Variants in MTCL1 observed in about 807,000 individuals in gnomAD.
MTCL1 encodes microtubule cross-linking factor 1.
In MTCL1, 79 loss-of-function variants were observed where a neutral mutation model predicts 141.4. The ratio of observed to expected loss-of-function variants is 0.56; its 90% CI spans 0.47 to 0.67. The LOEUF is 0.67. Among genes scored for constraint, MTCL1 ranks in the 30% least tolerant of loss-of-function variants. MTCL1 has a pLI of 0.00. For missense variants in MTCL1, 2,177 were observed against 2,113.9 expected (o/e 1.03, Z -0.59); for synonymous variants, 914 against 875.8 (o/e 1.04, Z -0.77).
At chr18:8,808,419 C>A (rs532333603) in intron 11 of MTCL1, among the ~76,000 whole-genome samples, 1 of 152,318 alleles carries the variant, frequency 6.6e-6, no homozygotes, top group East Asian at 1.9e-4. Flanking sequence ...TTTATAGGAA[C>A]GTAGTATCCA....
intron 4 of MTCL1, among the ~76,000 whole-genome samples, chr18:8,728,167 T>C (rs1598409643): frequency 2.0e-5 from 3 of 152,200 alleles, no homozygotes; most frequent in Non-Finnish European, 4.4e-5. Context: ...TAAAAACTTA[T>C]TTAATAGCTA....
intron 12 of MTCL1, among the ~76,000 whole-genome samples, chr18:8,816,072 C>G (rs2144298776): frequency 6.6e-6 from 1 of 152,274 alleles, no homozygotes; most frequent in South Asian, 2.1e-4. Flanking sequence ...TGAGGTAAAG[C>G]AATTATAGGC....
Position 8,784,032 on chromosome 18 carries a change from G to C in MTCL1, c.920G>C (p.Ser307Thr). 6.2e-7 allele frequency: 1 copy of C among 1,613,648 alleles called. No individual in the cohort carries two copies. Among genetic ancestry groups the C allele is most frequent in the Non-Finnish European group, 8.5e-7 (1 of 1,180,028 alleles). The change falls in exon 6 of 17, where the codon AGC becomes ACC. Residue 307 changes from serine to threonine, a missense_variant. Ser to Thr is a moderately conservative substitution (Grantham distance 58, BLOSUM62 1). Coordinates refer to ENST00000359865, the Ensembl canonical transcript of MTCL1. The stretch of plus-strand genomic sequence containing the variant: ...AACCGGCAACTGACCCACGAGCTCA[G>C]CAAGTTTAAGTTTGAGCCTCCCCGG...
intron 3 of MTCL1, among the ~76,000 whole-genome samples, chr18:8,719,706 G>A (rs1342025846): frequency 3.3e-5 from 5 of 152,104 alleles, no homozygotes; most frequent in African/African-American, 4.8e-5. Flanking sequence ...GGGACTATAG[G>A]CATGCATCAC....
intron 4 of MTCL1, among the ~76,000 whole-genome samples, chr18:8,722,830 G>T (rs1196233264): frequency 6.6e-6 from 1 of 152,190 alleles, no homozygotes; most frequent in Non-Finnish European, 1.5e-5. Flanking sequence ...ATACATTTGT[G>T]TATAACTAAA....
At chr18:8,710,887 A>AT (rs1491465470) in intron 1 of MTCL1, among the ~76,000 whole-genome samples, 12 of 20,624 alleles carry the variant, frequency 5.8e-4, no homozygotes, top group Admixed American at 1.6e-3. Flanking sequence ...TTTTTTTTTT[A>AT]CTTTTTTTTT....
rs373297828 is a variant in MTCL1, at chr18:8,747,398, G to C, written c.357+26902G>C. On this transcript the variant is annotated intron_variant, in intron 4 of 16. Coordinates refer to ENST00000359865, the Ensembl canonical transcript of MTCL1. ...CAAGATCAAGGTGCCTGCAGGGCAC[G>C]CTGTCTGGAAAGGCCCTAGGGGAGA... Among the ~76,000 whole-genome samples the C allele has an allele frequency of 4.1e-4, 63 of 152,146 alleles. 1 individual carries two copies. The highest frequency in any genetic ancestry group is 1.5e-3 in the African/African-American group (62 of 41,458).
chr18:8,768,855 G>A (rs965859489), intron 4 of MTCL1, among the ~76,000 whole-genome samples: 18 of 148,572 alleles, frequency 1.2e-4, no homozygotes, highest in African/African-American at 4.0e-4. Context: ...GCAGTGGCGC[G>A]ATCTTGGCTC....
chr18:8,802,954 A>T (rs2076170946), intron 10 of MTCL1, among the ~76,000 whole-genome samples: 1 of 152,164 alleles, frequency 6.6e-6, no homozygotes, highest in South Asian at 2.1e-4. Context: ...TCTCAATGGA[A>T]CCGAGTCTTA....
chr18:8,779,296 C>T lies in MTCL1; in HGVS notation c.417+1404C>T, dbSNP rs80046001. Among the ~76,000 whole-genome samples, 1,504 of 152,270 alleles carry T rather than the reference C, an allele frequency of 9.9e-3. 34 individuals carry two copies. Among genetic ancestry groups the T allele is most frequent in the African/African-American group, 0.035 (1,441 of 41,542 alleles). ...CCTGCCCTCTGCCTGCAACAGGAATCGTGTGTCATATGGAAAGTTGGACTT... is the reference window on the plus strand; with the variant it reads ...CCTGCCCTCTGCCTGCAACAGGAATTGTGTGTCATATGGAAAGTTGGACTT... On this transcript the variant is annotated intron_variant, in intron 5 of 16. Transcript: ENST00000359865. This position sits in a 1 kb window ranked among gnomAD's most constrained non-coding sequence, Gnocchi z 4.1.
intron 4 of MTCL1, among the ~76,000 whole-genome samples, chr18:8,750,148 A>G (rs2096363117): frequency 1.3e-5 from 2 of 151,548 alleles, no homozygotes; most frequent in Non-Finnish European, 2.9e-5. Flanking sequence ...GGTTCAAGTG[A>G]TCCTCCCACC....
chr18:8,798,068 C>T, intron 9 of MTCL1, 29 bp from the exon 9 acceptor site: 1 of 1,549,674 alleles, frequency 6.5e-7, no homozygotes, highest in Non-Finnish European at 8.6e-7. Context: ...TTGGCTGAAG[C>T]TGTGATCGTC....
intron 16 of MTCL1, 97 bp from the exon 15 acceptor site, chr18:8,831,510 A>G (rs748393224): frequency 4.5e-5 from 67 of 1,493,766 alleles, no homozygotes; most frequent in African/African-American, 1.1e-4. Flanking sequence ...TGTATACTTC[A>G]TCTCACTTGA....
At chr18:8,819,284 G>A in intron 13 of MTCL1, 25 bp downstream of exon 12, 1 of 1,609,634 alleles carries the variant, frequency 6.2e-7, no homozygotes, top group Non-Finnish European at 8.5e-7. Context: ...GTCCATCCTA[G>A]TTAACCACTG....
chr18:8,791,130 C>T (rs748544430), intron 7 of MTCL1, among the ~76,000 whole-genome samples: 1 of 152,076 alleles, frequency 6.6e-6, no homozygotes, highest in African/African-American at 2.4e-5. Context: ...TTCAGCAGCT[C>T]CAAGGGAACA....
At chr18:8,744,167 G>A (rs1253647635) in intron 4 of MTCL1, among the ~76,000 whole-genome samples, 3 of 152,248 alleles carry the variant, frequency 2.0e-5, no homozygotes, top group Non-Finnish European at 2.9e-5. Flanking sequence ...GAGTCTCACA[G>A]CTGTGACTGG....
At chr18:8,766,155 T>C (rs1262358441) in intron 4 of MTCL1, among the ~76,000 whole-genome samples, 1 of 152,216 alleles carries the variant, frequency 6.6e-6, no homozygotes, top group Non-Finnish European at 1.5e-5. Context: ...GAGATTGATG[T>C]GTTTTAAAAG....
intron 10 of MTCL1, among the ~76,000 whole-genome samples, chr18:8,805,770 A>G (rs1358217622): frequency 6.6e-6 from 1 of 152,162 alleles, no homozygotes; most frequent in Non-Finnish European, 1.5e-5. Flanking sequence ...ACATGCACCA[A>G]AAAAGAATGC....
intron 5 of MTCL1, chr18:8,782,656 C>G (rs890636683): frequency 2.0e-5 from 3 of 152,334 alleles, no homozygotes; most frequent in African/African-American, 7.2e-5. Context: ...ACACTTACCT[C>G]CTTGCCTTGG....
Sources: allele counts gnomAD v4.1 joint callset (sites outside exome capture counted in the v4.1 genomes callset), GRCh38; gene constraint gnomAD v4.1.1; non-coding constraint Gnocchi (gnomAD v3.1); transcripts MANE v1.5; gene names NCBI Gene and HGNC (gene_info 2026-07-23, HGNC 2026-07-21).